The following HTR3E variants were observed in gnomAD, a reference collection of about 807,000 sequenced individuals.
HTR3E encodes 5-hydroxytryptamine receptor 3E.
A neutral mutation model predicts 38.0 loss-of-function variants in HTR3E; 38 were observed. That is an observed-to-expected ratio of 1.00 (90% CI 0.77 to 1.31). The LOEUF (loss-of-function observed/expected upper bound fraction) is 1.31, where lower values mean the gene tolerates loss of function less well. Among genes scored for constraint, HTR3E ranks in the 50% most tolerant of loss-of-function variants. The probability of loss-of-function intolerance (pLI) is 0.00; values close to 1 mark genes in which losing one functional copy is unlikely to be tolerated. For missense variants in HTR3E, 547 were observed against 585.2 expected, an observed-to-expected ratio of 0.93 and a Z score of 0.67; for synonymous variants, 210 against 232.9, an observed-to-expected ratio of 0.90 and a Z score of 0.89.
intron 1 of HTR3E, among the ~76,000 whole-genome samples, chr3:184,099,720 C>CAAAAAAA (rs1192532487): frequency 2.7e-4 from 12 of 44,648 alleles, no homozygotes; most frequent in Non-Finnish European, 3.4e-4. Flanking sequence ...GACTCCGTCT[C>CAAAAAAA]AAAAAAAAAA....
At position 184,105,750 on chromosome 3, in the gene HTR3E, C is replaced by A. The variant is rs765375922; in HGVS notation, c.721-15C>A. On this transcript the variant is annotated splice_polypyrimidine_tract_variant and intron_variant, in intron 6 of 8. Transcript: ENST00000415389. ...TGACCCCATAACTACTTACCACCCT[C>A]TCCTACCCCACCAGGTGGCCATCAG... 31 of 1,604,898 alleles carry A rather than the reference C, an allele frequency of 1.9e-5. No homozygotes were observed. The South Asian group carries it at 2.2e-4, about 11-fold the overall frequency.
At chr3:184,101,956 C>T (rs913202976) in intron 3 of HTR3E, among the ~76,000 whole-genome samples, 21 of 152,234 alleles carry the variant, frequency 1.4e-4, no homozygotes, top group Non-Finnish European at 1.9e-4. Flanking sequence ...CGCCACTGCG[C>T]TCCAGGCTGA....
intron 6 of HTR3E, 93 bp from the exon 7 acceptor site, chr3:184,105,671 GA>G: frequency 1.7e-6 from 2 of 1,163,188 alleles, no homozygotes; most frequent in Non-Finnish European, 2.5e-6. Context: ...TCAGGCCAAA[GA>G]AAAAGGCAGA....
At position 184,106,866 on chromosome 3, in the gene HTR3E, C is replaced by T; in HGVS notation, c.*173C>T. On this transcript the variant is annotated 3_prime_UTR_variant, in exon 9 of 9. Transcript: ENST00000415389. The surrounding 1 kb of genome is among the most constrained non-coding windows in gnomAD (Gnocchi z 4.1). ...TGATCAATTCCAATCCCAGACATTT[C>T]TCCCTGTTCCTGCATTTTGTTGGCT... The T allele has an allele frequency of 1.4e-6, 1 of 701,874 alleles. No individual in the cohort carries two copies. The highest frequency in any genetic ancestry group is 2.4e-6 in the Non-Finnish European group (1 of 425,152). The allele number at this position is 701,874 out of a possible 1,614,324, so 43.5% of individuals were successfully genotyped here.
Position 184,105,555 on chromosome 3 carries a change from T to A in HTR3E, c.720+128T>A, listed in dbSNP as rs550291146. On this transcript the variant is annotated intron_variant, in intron 6 of 8. Transcript: ENST00000415389. ...TACCCTCTCTCCTGGCTTCCCAGCCTCATTCTTCATCCTAAAGCTCAGGGC... is the reference window on the plus strand; with the variant it reads ...TACCCTCTCTCCTGGCTTCCCAGCCACATTCTTCATCCTAAAGCTCAGGGC... 5.3e-6 allele frequency: 6 copies of A among 1,129,446 alleles called. No homozygotes were observed. The East Asian group carries it at 1.5e-4, about 29-fold the overall frequency. 70.0% of individuals were successfully genotyped at this position (1,129,446 alleles called of 1,614,324 possible). A position where few individuals can be genotyped will look rare whatever the true frequency, so the allele number is the denominator to read the frequency against.
At chr3:184,103,362 G>C (rs961939006) in intron 3 of HTR3E, among the ~76,000 whole-genome samples, 19 of 152,202 alleles carry the variant, frequency 1.2e-4, no homozygotes, top group Admixed American at 3.9e-4. Context: ...GGGCGCGGTG[G>C]CTCACGCCTG....
chr3:184,102,299 C>CA (rs757819487), intron 3 of HTR3E, among the ~76,000 whole-genome samples: 3 of 151,620 alleles, frequency 2.0e-5, no homozygotes, highest in Non-Finnish European at 2.9e-5. Flanking sequence ...CTCGTCTCTA[C>CA]AAAAAAATAC....
In HTR3E at chr3:184,106,053, C is replaced by G; in HGVS notation, c.926-75C>G. 1 of 1,606,598 alleles carries G rather than the reference C, an allele frequency of 6.2e-7. No individual in the cohort carries two copies. Among genetic ancestry groups the G allele is most frequent in the Non-Finnish European group, 8.5e-7 (1 of 1,174,972 alleles). On this transcript the variant is annotated intron_variant, in intron 7 of 8. Coordinates refer to ENST00000415389, the MANE Select transcript of HTR3E (RefSeq NM_001256613.2). The surrounding 1 kb of genome is among the most constrained non-coding windows in gnomAD (Gnocchi z 4.1). ...ATTTTGGAAAAAGGAGGCCGTATGC[C>G]TGCCAGGGTGGGATTGGAAGAGAAG...
rs1711703649 is a variant in HTR3E at position 184,097,075 on chromosome 3, A to G, written c.-455A>G. 1 of 153,758 alleles carries G rather than the reference A, an allele frequency of 6.5e-6. No individual in the cohort carries two copies. Among genetic ancestry groups the G allele is most frequent in the South Asian group, 2.0e-4 (1 of 4,934 alleles). The allele number at this position is 153,758 out of a possible 1,614,324, so 9.5% of individuals were successfully genotyped here. A position where few individuals can be genotyped will look rare whatever the true frequency, so the allele number is the denominator to read the frequency against. On this transcript the variant is annotated 5_prime_UTR_variant, in exon 1 of 9. Coordinates refer to ENST00000415389, the MANE Select transcript of HTR3E (RefSeq NM_001256613.2). Reference sequence around the variant, plus strand: ...TGGCCCACAGAACAGTAAAATAACAAATTGTGTTTATTTAAGCCACTGGGT... The same window carrying G: ...TGGCCCACAGAACAGTAAAATAACAGATTGTGTTTATTTAAGCCACTGGGT...
chr3:184,097,500 C>T lies in HTR3E; in HGVS notation c.-30C>T, dbSNP rs1409613745. 2.0e-6 allele frequency: 3 copies of T among 1,512,154 alleles called. No individual in the cohort carries two copies. Among genetic ancestry groups the T allele is most frequent in the African/African-American group, 1.4e-5 (1 of 72,664 alleles). The allele number at this position is 1,512,154 out of a possible 1,614,324, so 93.7% of individuals were successfully genotyped here. ...ATCTGGGCATTCCTGGGTCCCAGTA[C>T]ATGTTCAGAGAAGAACTTAGACAAA... On this transcript the variant is annotated 5_prime_UTR_variant, in exon 1 of 9. Coordinates refer to ENST00000415389, the MANE Select transcript of HTR3E (RefSeq NM_001256613.2).
intron 5 of HTR3E, 62 bp downstream of exon 5, chr3:184,105,018 CTA>C: frequency 6.7e-7 from 1 of 1,495,470 alleles, no homozygotes; most frequent in Non-Finnish European, 9.1e-7. Context: ...TATAAAGAAA[CTA>C]TGAGTAAATG....
chr3:184,099,736 A>C (rs1223129144), intron 1 of HTR3E, among the ~76,000 whole-genome samples: 1 of 148,164 alleles, frequency 6.7e-6, no homozygotes, highest in East Asian at 2.0e-4. Context: ...AAAAAAAAAA[A>C]AAAAGAAAGA....
At chr3:184,097,617 G>A in intron 1 of HTR3E, 21 bp downstream of exon 1, 1 of 1,523,390 alleles carries the variant, frequency 6.6e-7, no homozygotes, top group East Asian at 2.4e-5. Flanking sequence ...AGCAATGATG[G>A]GGGAAGGCGG....
At position 184,105,353 on chromosome 3, in the gene HTR3E, G is replaced by A. The variant is rs115516419; in HGVS notation, c.646G>A (p.Glu216Lys). 1,841 of 1,614,150 alleles carry A rather than the reference G, an allele frequency of 1.1e-3. 5 individuals are homozygous for A. Among genetic ancestry groups the A allele is most frequent in the Non-Finnish European group, 1.1e-3 (1,270 of 1,180,026 alleles). ...RNILQTHGEW[E>K]LLGLSKATAK... ...CATCCTTCAGACCCATGGAGAATGG[G>A]AGCTCCTGGGCCTCAGCAAGGCCAC... Residue 216 changes from glutamate (E) to lysine (K), a missense_variant, in exon 6 of 9, where the codon GAG becomes AAG. By Grantham distance (56) the Glu-to-Lys change is moderately conservative. Coordinates refer to ENST00000415389, the MANE Select transcript of HTR3E (RefSeq NM_001256613.2).
chr3:184,103,151 G>A (rs1042845079), intron 3 of HTR3E, among the ~76,000 whole-genome samples: 4 of 152,168 alleles, frequency 2.6e-5, no homozygotes, highest in African/African-American at 7.2e-5. Context: ...AGGATGGGGG[G>A]AAATAAAAGC....
chr3:184,099,965 C>G (rs186277301), intron 1 of HTR3E, among the ~76,000 whole-genome samples: 8 of 152,142 alleles, frequency 5.3e-5, no homozygotes, highest in Admixed American at 4.6e-4. Context: ...TTTGGGCATG[C>G]TTTGCATGGA....
At position 184,100,533 on chromosome 3, in the gene HTR3E, G is replaced by A; in HGVS notation, c.116G>A (p.Gly39Glu). The change falls in exon 2 of 9, where the codon GGG becomes GAG. Residue 39 changes from glycine (G) to glutamate (E), a missense_variant. By Grantham distance (98) the Gly-to-Glu change is moderately conservative. Transcript: ENST00000415389. Reference protein sequence around the residue: ...TINCSGFGQHGADPTALNSVF... With the variant: ...TINCSGFGQHEADPTALNSVF... ...AATTGCTCAGGGTTTGGCCAGCACG[G>A]GGCGGATCCCACTGCTCTGAATTCA... 1.2e-6 allele frequency: 2 copies of A among 1,614,104 alleles called. No homozygotes were observed. The highest frequency in any genetic ancestry group is 1.6e-4 in the Middle Eastern group (1 of 6,062).
chr3:184,104,260 C>A lies in HTR3E; in HGVS notation c.358C>A (p.Leu120Met). 1 of 1,613,082 alleles carries A rather than the reference C, an allele frequency of 6.2e-7. No individual in the cohort carries two copies. The highest frequency in any genetic ancestry group is 8.5e-7 in the Non-Finnish European group (1 of 1,179,550). The change falls in exon 4 of 9, where the codon CTG becomes ATG. Residue 120 changes from leucine (L) to methionine (M), a missense_variant. Leu to Met is a conservative substitution (Grantham distance 15). Transcript: ENST00000415389. ...ITKMSMAAKN[L>M]WLPDIFIIEL... ...GAAGATGAGTATGGCAGCCAAGAACCTGTGGCTCCCAGACATTTTCATCAT... is the reference window on the plus strand; with the variant it reads ...GAAGATGAGTATGGCAGCCAAGAACATGTGGCTCCCAGACATTTTCATCAT...
chr3:184,105,502 T>A, intron 6 of HTR3E, 75 bp downstream of exon 6: 6 of 1,480,772 alleles, frequency 4.1e-6, no homozygotes, highest in Non-Finnish European at 5.5e-6. Context: ...CAAATATGTA[T>A]CTCCCAAGTT....
Sources: allele counts gnomAD v4.1 joint callset (sites outside exome capture counted in the v4.1 genomes callset), GRCh38; gene constraint gnomAD v4.1.1; non-coding constraint Gnocchi (gnomAD v3.1); transcripts MANE v1.5; gene names NCBI Gene and HGNC (gene_info 2026-07-23, HGNC 2026-07-21).